Variants in ANKS1B observed in about 807,000 individuals in gnomAD.
The protein encoded by ANKS1B is ankyrin repeat and sterile alpha motif domain containing 1B.
ANKS1B carries 36 observed loss-of-function variants against 148.3 expected under a neutral mutation model. That is an observed-to-expected ratio of 0.24 (90% CI 0.19 to 0.32). The LOEUF (loss-of-function observed/expected upper bound fraction) is 0.32. Among genes scored for constraint, ANKS1B ranks in the 10% least tolerant of loss-of-function variants. The pLI is 1.00. For missense variants in ANKS1B, 1,157 were observed against 1,542.6 expected (o/e 0.75, Z 4.19); for synonymous variants, 542 against 560.8 (o/e 0.97, Z 0.47).
At chr12:99,566,731 C>T (rs187384940) in intron 9 of ANKS1B, among the ~76,000 whole-genome samples, 10 of 152,216 alleles carry the variant, frequency 6.6e-5, no homozygotes, top group African/African-American at 2.2e-4. Flanking sequence ...ATGGAATGAG[C>T]CTCACTAGAT....
At chr12:99,198,511 A>T (rs1281355417) in intron 14 of ANKS1B, among the ~76,000 whole-genome samples, 1 of 152,200 alleles carries the variant, frequency 6.6e-6, no homozygotes, top group Non-Finnish European at 1.5e-5. Flanking sequence ...TGAGGATAGC[A>T]GGTACATTTT....
intron 16 of ANKS1B, among the ~76,000 whole-genome samples, chr12:99,070,284 T>C (rs2045851998): frequency 6.6e-6 from 1 of 152,136 alleles, no homozygotes; most frequent in African/African-American, 2.4e-5. Flanking sequence ...GTAGAAAATC[T>C]CATTGATTAC....
intron 10 of ANKS1B, among the ~76,000 whole-genome samples, chr12:99,475,003 G>A (rs902838169): frequency 6.6e-5 from 10 of 151,782 alleles, no homozygotes; most frequent in South Asian, 4.2e-4. Flanking sequence ...CTGGTAGGCC[G>A]AGGTGGGCAG....
chr12:99,287,375 C>T (rs1203767575), intron 12 of ANKS1B, among the ~76,000 whole-genome samples: 1 of 152,152 alleles, frequency 6.6e-6, no homozygotes, highest in Non-Finnish European at 1.5e-5. Flanking sequence ...GCAGATATTG[C>T]AACAGTGACT....
chr12:98,981,643 C>T (rs547275785), intron 17 of ANKS1B, among the ~76,000 whole-genome samples: 88 of 152,316 alleles, frequency 5.8e-4, no homozygotes, highest in African/African-American at 2.1e-3. Context: ...GCATATTGTT[C>T]AGTTTTTAAT....
At chr12:98,953,908 T>C (rs150699626) in intron 17 of ANKS1B, among the ~76,000 whole-genome samples, 17 of 152,338 alleles carry the variant, frequency 1.1e-4, no homozygotes, top group African/African-American at 3.8e-4. Context: ...ATACTTCTCA[T>C]CTTCAAGGTC....
At chr12:99,591,883 T>C (rs140382189) in intron 9 of ANKS1B, among the ~76,000 whole-genome samples, 3 of 152,318 alleles carry the variant, frequency 2.0e-5, no homozygotes, top group Non-Finnish European at 4.4e-5. Context: ...CATCTAGAGC[T>C]GCATTCTAGG....
intron 12 of ANKS1B, among the ~76,000 whole-genome samples, chr12:99,248,322 T>C (rs2153971495): frequency 6.6e-6 from 1 of 152,270 alleles, no homozygotes; most frequent in Non-Finnish European, 1.5e-5. Flanking sequence ...TCTCTAGACT[T>C]CACCCTGGTT....
At chr12:98,903,837 G>T (rs1200874609) in intron 17 of ANKS1B, among the ~76,000 whole-genome samples, 1 of 152,056 alleles carries the variant, frequency 6.6e-6, no homozygotes, top group East Asian at 1.9e-4. Context: ...CTCAATCAAG[G>T]CTTGGACTCC....
At chr12:99,545,445 A>G (rs754281559) in intron 9 of ANKS1B, among the ~76,000 whole-genome samples, 37 of 152,234 alleles carry the variant, frequency 2.4e-4, no homozygotes, top group Non-Finnish European at 5.3e-4. Flanking sequence ...ATGATTCATA[A>G]TAACCACATT....
intron 14 of ANKS1B, among the ~76,000 whole-genome samples, chr12:99,235,717 C>T (rs2087776236): frequency 6.6e-6 from 1 of 152,122 alleles, no homozygotes; most frequent in Non-Finnish European, 1.5e-5. Context: ...CTTAATTTTT[C>T]AGTTTTAAAA....
In ANKS1B at chr12:99,806,500, G is replaced by A. The variant is rs747427927; in HGVS notation, c.573C>T (p.Asn191=). The A allele has an allele frequency of 3.1e-6, 5 of 1,613,854 alleles. No individual in the cohort carries two copies. The South Asian group carries it at 5.5e-5, about 18-fold the overall frequency. Residue 191 remains asparagine (N), a synonymous_variant, in exon 4 of 27, where the codon AAC becomes AAT. Transcript: ENST00000683438. ...GGTGAAGTGGCGTGTGCTTGCGAGT[G>A]TTGCAGCTCATTAAGTTAGGATGTG... The part of the protein sequence containing the change: ...ISAHPNLMSC[N]TRKHTPLHLA...
chr12:99,575,110 C>T (rs1340426278), intron 9 of ANKS1B, among the ~76,000 whole-genome samples: 3 of 152,004 alleles, frequency 2.0e-5, no homozygotes, highest in African/African-American at 7.2e-5. Context: ...AACCATTGGA[C>T]AGATCCTCCA....
At chr12:99,129,324 C>A (rs2065375602) in intron 15 of ANKS1B, among the ~76,000 whole-genome samples, 1 of 152,088 alleles carries the variant, frequency 6.6e-6, no homozygotes, top group South Asian at 2.1e-4. Context: ...CAGCCCAAAG[C>A]AAACCATTGG....
intron 12 of ANKS1B, among the ~76,000 whole-genome samples, chr12:99,308,162 T>C (rs181563207): frequency 6.6e-5 from 10 of 152,226 alleles, no homozygotes; most frequent in African/African-American, 1.9e-4. Context: ...TATAATTCTA[T>C]AGAAATTATA....
intron 17 of ANKS1B, among the ~76,000 whole-genome samples, chr12:98,902,831 A>G (rs2099773937): frequency 1.3e-5 from 2 of 152,248 alleles, no homozygotes; most frequent in African/African-American, 4.8e-5. Context: ...CAAATTCATA[A>G]GCATTCAGAA....
In ANKS1B at chr12:99,645,953, G is replaced by A. The variant is rs555458896; in HGVS notation, c.1272+9114C>T. Among the ~76,000 whole-genome samples, 32 of 150,578 alleles carry A rather than the reference G, an allele frequency of 2.1e-4. No individual in the cohort carries two copies. The South Asian group carries it at 6.3e-3, about 30-fold the overall frequency. On this transcript the variant is annotated intron_variant, in intron 9 of 26. Transcript: ENST00000683438. Reference sequence around the variant, plus strand: ...GTTTCTGGCTTCCTTGGAGACCAGCGCTCTAATGGAACTCTAAGACAAATA... The same window carrying A: ...GTTTCTGGCTTCCTTGGAGACCAGCACTCTAATGGAACTCTAAGACAAATA...
chr12:98,743,365 A>C (rs2097819595), downstream of ANKS1B, among the ~76,000 whole-genome samples: 2 of 152,204 alleles, frequency 1.3e-5, no homozygotes, highest in African/African-American at 2.4e-5. Context: ...CATAGAATAC[A>C]ATTTAATAAG....
intron 1 of ANKS1B, among the ~76,000 whole-genome samples, chr12:99,880,918 C>G (rs531970997): frequency 1.2e-4 from 19 of 152,254 alleles, no homozygotes; most frequent in Admixed American, 4.6e-4. Flanking sequence ...CCACTAGAAC[C>G]CTTAGCCAGA....
Sources: gnomAD v4.1 joint callset for allele counts (sites outside exome capture counted in the v4.1 genomes callset) on GRCh38, gnomAD v4.1.1 for gene constraint, MANE v1.5 for transcripts, NCBI Gene and HGNC (gene_info 2026-07-23, HGNC 2026-07-21) for gene names.